The following FLT1 variants were observed in gnomAD, a reference collection of about 807,000 sequenced individuals.
The protein encoded by FLT1 is fms related receptor tyrosine kinase 1.
FLT1 carries 49 observed loss-of-function variants against 156.3 expected under a neutral mutation model. The observed-to-expected ratio is 0.31, with a 90% CI of 0.25 to 0.40. The LOEUF (loss-of-function observed/expected upper bound fraction) is 0.40, where lower values mean the gene tolerates loss of function less well. Among genes scored for constraint, FLT1 ranks in the 10% least tolerant of loss-of-function variants. The pLI is 1.00. For synonymous variants in FLT1, 594 were observed against 583.8 expected (o/e 1.02, Z -0.25); for missense variants, 1,322 against 1,637.2 (o/e 0.81, Z 3.32).
intron 10 of FLT1, among the ~76,000 whole-genome samples, chr13:28,410,020 C>T (rs1163488709): frequency 6.6e-6 from 1 of 152,204 alleles, no homozygotes; most frequent in Non-Finnish European, 1.5e-5. Flanking sequence ...CTCACTTTGT[C>T]ACCCTGCAGT....
At chr13:28,344,178 C>G (rs1872468603) in intron 16 of FLT1, among the ~76,000 whole-genome samples, 1 of 152,150 alleles carries the variant, frequency 6.6e-6, no homozygotes, top group African/African-American at 2.4e-5. Flanking sequence ...CTCACCATGG[C>G]CTACGAGACC....
intron 1 of FLT1, among the ~76,000 whole-genome samples, chr13:28,473,644 CAAAAGAAAGAAAGAAA>C (rs1237371421): frequency 5.3e-5 from 6 of 112,644 alleles, no homozygotes; most frequent in African/African-American, 2.1e-4. Context: ...GACTATATCT[CAAAAGAAAGAAAGAAA>C]GAAAGAAAGA....
rs1875271710 is a variant in FLT1, at chr13:28,399,244, C to T, written c.1552-2176G>A. On this transcript the variant is annotated intron_variant, in intron 11 of 29. Transcript: ENST00000282397. Reference sequence around the variant, plus strand: ...GGAGCTCAGATGAAGCCTTTTTAAGCTGGGGTGTCAGCTCCAGCACTGTTT... The same window carrying T: ...GGAGCTCAGATGAAGCCTTTTTAAGTTGGGGTGTCAGCTCCAGCACTGTTT... The T allele has an allele frequency of 1.6e-5, 9 of 546,234 alleles. No homozygotes were observed. In the South Asian group the frequency reaches 2.5e-4, roughly 15 times the overall value. 33.8% of individuals were successfully genotyped at this position (546,234 alleles called of 1,614,324 possible).
Position 28,441,728 on chromosome 13 carries a change from G to T in FLT1, c.389-3383C>A, listed in dbSNP as rs536155983. Reference sequence around the variant, plus strand: ...GGCTGAGGCAGGAGGATCACTTGAGGCCAAGAGTTTGAGACCAGCCTGGGC... The same window carrying T: ...GGCTGAGGCAGGAGGATCACTTGAGTCCAAGAGTTTGAGACCAGCCTGGGC... On this transcript the variant is annotated intron_variant, in intron 3 of 29. Coordinates refer to ENST00000282397, the MANE Select transcript of FLT1 (RefSeq NM_002019.4). Among the ~76,000 whole-genome samples the T allele has an allele frequency of 2.0e-5, 3 of 152,150 alleles. No individual in the cohort carries two copies. In the South Asian group the frequency reaches 6.2e-4, roughly 32 times the overall value.
intron 14 of FLT1, among the ~76,000 whole-genome samples, chr13:28,373,127 A>C (rs1298102548): frequency 6.6e-6 from 1 of 152,234 alleles, no homozygotes; most frequent in Non-Finnish European, 1.5e-5. Flanking sequence ...AGGCAATAAA[A>C]GGACAAATCA....
chr13:28,456,598 C>G (rs915446341), intron 3 of FLT1, among the ~76,000 whole-genome samples: 3 of 152,008 alleles, frequency 2.0e-5, no homozygotes, highest in African/African-American at 7.2e-5. Context: ...GAGCTCGAGA[C>G]CAGCCTGGCC....
At chr13:28,416,769 A>G (rs549637091) in intron 10 of FLT1, among the ~76,000 whole-genome samples, 1 of 152,278 alleles carries the variant, frequency 6.6e-6, no homozygotes, top group African/African-American at 2.4e-5. Flanking sequence ...TTAAGTACCA[A>G]TTTTTGTTTT....
intron 7 of FLT1, among the ~76,000 whole-genome samples, chr13:28,430,442 A>G (rs983764016): frequency 6.6e-6 from 1 of 152,216 alleles, no homozygotes; most frequent in Non-Finnish European, 1.5e-5. Context: ...CTCTATCACA[A>G]TAACAAAGAA....
At chr13:28,357,483 G>T in intron 15 of FLT1, 71 bp downstream of exon 15, 2 of 1,511,466 alleles carry the variant, frequency 1.3e-6, no homozygotes, top group South Asian at 1.1e-5. Flanking sequence ...AGACTGGGAG[G>T]TGGAAAGTTA....
At chr13:28,326,644 G>C (rs1385057605) in intron 20 of FLT1, among the ~76,000 whole-genome samples, 1 of 148,228 alleles carries the variant, frequency 6.7e-6, no homozygotes, top group East Asian at 2.1e-4. Flanking sequence ...TCCTGCCTCA[G>C]CCTCCCTAGT....
chr13:28,421,324 C>T (rs1876985021), intron 10 of FLT1, among the ~76,000 whole-genome samples: 1 of 152,184 alleles, frequency 6.6e-6, no homozygotes. Flanking sequence ...TGTTCTCCCT[C>T]AACCTTCCAT....
At chr13:28,307,111 G>A (rs1223100646) in intron 28 of FLT1, among the ~76,000 whole-genome samples, 2 of 152,210 alleles carry the variant, frequency 1.3e-5, no homozygotes, top group Non-Finnish European at 2.9e-5. Context: ...GGCAGATCAC[G>A]ATTGACTATG....
intron 10 of FLT1, among the ~76,000 whole-genome samples, chr13:28,421,865 CA>C (rs1877022217): frequency 6.6e-6 from 1 of 152,134 alleles, no homozygotes; most frequent in Non-Finnish European, 1.5e-5. Flanking sequence ...TTGCCATTTA[CA>C]GAAGGGGAAA....
At chr13:28,425,739 T>A (rs958413245) in intron 10 of FLT1, among the ~76,000 whole-genome samples, 15 of 152,294 alleles carry the variant, frequency 9.8e-5, no homozygotes, top group African/African-American at 2.6e-4. Flanking sequence ...GTTTTTTTTT[T>A]ATTTATTTGC....
intron 10 of FLT1, among the ~76,000 whole-genome samples, chr13:28,412,350 C>CTTTCTTTCTT (rs71086853): frequency 1.1e-5 from 1 of 93,708 alleles, no homozygotes; most frequent in Non-Finnish European, 2.3e-5. Context: ...TTCTTTCTTT[C>CTTTCTTTCTT]TCTTTCTTTC....
In FLT1 at chr13:28,303,134, T is replaced by C. The variant is rs745656443; in HGVS notation, c.*33A>G. ...AGTTTCCTGGGGGTATAAATACACA[T>C]GTGCTTCTAGAAATAAGGCTTCGTG... On this transcript the variant is annotated 3_prime_UTR_variant, in exon 30 of 30. Coordinates refer to ENST00000282397, the MANE Select transcript of FLT1 (RefSeq NM_002019.4). The C allele has an allele frequency of 6.9e-6, 11 of 1,587,634 alleles. No individual in the cohort carries two copies. Among genetic ancestry groups the C allele is most frequent in the African/African-American group, 2.7e-5 (2 of 74,568 alleles).
chr13:28,367,543 T>G (rs1178559772), intron 14 of FLT1, among the ~76,000 whole-genome samples: 1 of 152,214 alleles, frequency 6.6e-6, no homozygotes, highest in Non-Finnish European at 1.5e-5. Context: ...TACCTTAAGG[T>G]GAAGGACAAT....
chr13:28,412,413 C>T (rs1593762568), intron 10 of FLT1, among the ~76,000 whole-genome samples: 1 of 84,436 alleles, frequency 1.2e-5, no homozygotes, highest in East Asian at 3.4e-4. Flanking sequence ...TCTTTCTTCT[C>T]TTTCTCTCTC....
chr13:28,405,665 C>T (rs1875741696), intron 11 of FLT1, 115 bp downstream of exon 11: 1 of 721,692 alleles, frequency 1.4e-6, no homozygotes, highest in East Asian at 2.6e-5. Context: ...TCTTTCTTCT[C>T]TCTGAATTTT....
Sources: gnomAD v4.1 joint callset for allele counts (sites outside exome capture counted in the v4.1 genomes callset) on GRCh38, gnomAD v4.1.1 for gene constraint, MANE v1.5 for transcripts, NCBI Gene and HGNC (gene_info 2026-07-23, HGNC 2026-07-21) for gene names.